TULP4: variants seen among roughly 807,000 people sequenced by gnomAD.
The protein encoded by TULP4 is TUB like protein 4.
A neutral mutation model predicts 129.0 loss-of-function variants in TULP4; 16 were observed. That is an observed-to-expected ratio of 0.12 (90% CI 0.08 to 0.19). TULP4 has a LOEUF of 0.19. Among genes scored for constraint, TULP4 ranks in the 10% least tolerant of loss-of-function variants. The pLI, the probability that TULP4 is intolerant of heterozygous loss-of-function variation, is 1.00. For missense variants in TULP4, 1,842 were observed against 2,059.1 expected (o/e 0.89, Z 2.04); for synonymous variants, 998 against 854.0 (o/e 1.17, Z -2.94).
In TULP4 at chr6:158,395,792, C is replaced by T. The variant is rs569376990; in HGVS notation, c.253-17273C>T. 4.0e-5 allele frequency among the ~76,000 whole-genome samples: 6 copies of T among 151,510 alleles called. 1 individual carries two copies. In the South Asian group the frequency reaches 1.3e-3, roughly 32 times the overall value. On this transcript the variant is annotated intron_variant, in intron 1 of 13. Coordinates refer to ENST00000367097, the MANE Select transcript of TULP4 (RefSeq NM_020245.5). ...ACCACAGACCTAAATTTATGCAGTT[C>T]TAGTTGAGCCTGTTTTTCTTTGATT...
In TULP4 at chr6:158,455,055, A is replaced by AT. The variant is rs781328845; in HGVS notation, c.859+2817dup. On this transcript the variant is annotated intron_variant, in intron 5 of 13. Coordinates refer to ENST00000367097, the MANE Select transcript of TULP4 (RefSeq NM_020245.5). ...TTCTAAAAATACAGGCAAATTTAAC[A>AT]TTTTTTTTTTTTTTTTTTTTTTTTT... 2.9e-3 allele frequency among the ~76,000 whole-genome samples: 97 copies of AT among 33,196 alleles called. 18 individuals are homozygous for AT. The highest frequency in any genetic ancestry group is 3.6e-3 in the Non-Finnish European group (74 of 20,542). The allele number at this position is 33,196 out of a possible 152,430, so 21.8% of individuals were successfully genotyped here. A position where few individuals can be genotyped will look rare whatever the true frequency, so the allele number is the denominator to read the frequency against.
intron 1 of TULP4, among the ~76,000 whole-genome samples, chr6:158,335,987 C>CAT: frequency 6.6e-6 from 1 of 152,180 alleles, no homozygotes. Flanking sequence ...AATGTGAAGA[C>CAT]ATATATAGTT....
intron 6 of TULP4, among the ~76,000 whole-genome samples, chr6:158,470,356 G>T (rs931397418): frequency 6.6e-6 from 1 of 152,258 alleles, no homozygotes; most frequent in South Asian, 2.1e-4. Flanking sequence ...AGTGAAAACA[G>T]AGCTCCCATA....
At chr6:158,422,550 C>CA (rs1486115527) in intron 2 of TULP4, among the ~76,000 whole-genome samples, 3 of 152,116 alleles carry the variant, frequency 2.0e-5, no homozygotes, top group Admixed American at 6.6e-5. Context: ...AACACGGACA[C>CA]ATGTGGAGCG....
rs1780449486 is a variant in TULP4, at chr6:158,501,723, T to G, written c.2060T>G (p.Val687Gly). ...GVPENSPPCT[V>G]NIPIAPIHSS... ...CCTGAGAACAGCCCACCTTGTACCG[T>G]GAACATCCCTATTGCACCGATCCAC... The change falls in exon 13 of 14, where the codon GTG (valine) becomes GGG (glycine). Residue 687 changes from valine to glycine, a missense_variant. By Grantham distance (109) the Val-to-Gly change is moderately radical (BLOSUM62 -3). Around this residue, in one of 5 missense-constraint regions of TULP4, gnomAD observed 99 missense variants for 165.1 expected, o/e 0.60. Coordinates refer to ENST00000367097, the MANE Select transcript of TULP4 (RefSeq NM_020245.5). 1.2e-6 allele frequency: 2 copies of G among 1,614,034 alleles called. No individual in the cohort carries two copies. The highest frequency in any genetic ancestry group is 1.7e-6 in the Non-Finnish European group (2 of 1,179,914).
chr6:158,339,435 C>T (rs1037516968), intron 1 of TULP4, among the ~76,000 whole-genome samples: 6 of 152,168 alleles, frequency 3.9e-5, no homozygotes, highest in Non-Finnish European at 8.8e-5. Context: ...GAGAACCGGT[C>T]TGACTAGAAT....
intron 1 of TULP4, among the ~76,000 whole-genome samples, chr6:158,345,983 A>G (rs913904926): frequency 2.0e-5 from 3 of 152,196 alleles, no homozygotes; most frequent in Non-Finnish European, 4.4e-5. Context: ...CTTGCTAGGA[A>G]AAGAATTTAG....
intron 1 of TULP4, among the ~76,000 whole-genome samples, chr6:158,346,978 A>G (rs1329379080): frequency 6.6e-6 from 1 of 152,154 alleles, no homozygotes; most frequent in Non-Finnish European, 1.5e-5. Flanking sequence ...CAATCCCAGA[A>G]TGTGGAAATG....
At chr6:158,316,808 C>T (rs1014052889) in intron 1 of TULP4, among the ~76,000 whole-genome samples, 1 of 152,190 alleles carries the variant, frequency 6.6e-6, no homozygotes, top group Non-Finnish European at 1.5e-5. Flanking sequence ...TTCTTCCAAG[C>T]TCATTCAGGT....
chr6:158,240,740 C>CA (rs1777875767), intron 1 of TULP4, among the ~76,000 whole-genome samples: 1 of 127,610 alleles, frequency 7.8e-6, no homozygotes, highest in Non-Finnish European at 1.7e-5. Context: ...GCTGGCCGGG[C>CA]GGGGGGCTGA....
At chr6:158,495,667 C>A (rs1416948991) in intron 11 of TULP4, among the ~76,000 whole-genome samples, 1 of 152,048 alleles carries the variant, frequency 6.6e-6, no homozygotes, top group Non-Finnish European at 1.5e-5. Flanking sequence ...ACATGGAGAA[C>A]CTTTCTCTTC....
chr6:158,390,220 A>G lies in TULP4; in HGVS notation c.253-22845A>G, dbSNP rs116440528. On this transcript the variant is annotated intron_variant, in intron 1 of 13. Transcript: ENST00000367097. Reference sequence around the variant, plus strand: ...TGGTATTCTCTATGAACTATTTTGCACATATAAAAATGGGCAGAAAACACA... The same window carrying G: ...TGGTATTCTCTATGAACTATTTTGCGCATATAAAAATGGGCAGAAAACACA... Among the ~76,000 whole-genome samples, 1,174 of 152,346 alleles carry G rather than the reference A, an allele frequency of 7.7e-3. 19 individuals are homozygous for G. Among genetic ancestry groups the G allele is most frequent in the African/African-American group, 0.027 (1,106 of 41,572 alleles).
Position 158,501,937 on chromosome 6 carries a change from C to T in TULP4, c.2274C>T (p.Phe758=), listed in dbSNP as rs772922842. Residue 758 remains phenylalanine, a synonymous_variant, in exon 13 of 14, where the codon TTC becomes TTT. Transcript: ENST00000367097. ...NRYSNPGQVI[F]GSVEMGRIIQ... is the part of the protein sequence containing the mutation. ...ACTCCAATCCTGGACAGGTGATTTTCGGAAGCGTGGAAATGGGCCGCATCA... is the reference window on the plus strand; with the variant it reads ...ACTCCAATCCTGGACAGGTGATTTTTGGAAGCGTGGAAATGGGCCGCATCA... 76 of 1,613,910 alleles carry T rather than the reference C, an allele frequency of 4.7e-5. No homozygotes were observed. Among genetic ancestry groups the T allele is most frequent in the Middle Eastern group, 1.6e-4 (1 of 6,084 alleles).
At chr6:158,245,478 ATG>A (rs1778011383) in intron 1 of TULP4, among the ~76,000 whole-genome samples, 1 of 152,032 alleles carries the variant, frequency 6.6e-6, no homozygotes, top group Non-Finnish European at 1.5e-5. Context: ...GAAGGGAGGT[ATG>A]TCCTCTCAGA....
At chr6:158,415,558 C>T (rs569511481) in intron 2 of TULP4, among the ~76,000 whole-genome samples, 101 of 149,026 alleles carry the variant, frequency 6.8e-4, no homozygotes, top group Admixed American at 8.7e-4. Flanking sequence ...GATGGGGTTT[C>T]ACCACGTTAG....
intron 1 of TULP4, among the ~76,000 whole-genome samples, chr6:158,399,022 C>A (rs980096020): frequency 6.6e-6 from 1 of 152,306 alleles, no homozygotes; most frequent in Admixed American, 6.5e-5. Flanking sequence ...CTGCCAGTAA[C>A]TTCCTTTTAC....
chr6:158,267,177 T>A (rs1319895860), intron 1 of TULP4, among the ~76,000 whole-genome samples: 2 of 152,276 alleles, frequency 1.3e-5, no homozygotes, highest in Non-Finnish European at 2.9e-5. Flanking sequence ...TTTCATTGTA[T>A]GTCAATACAC....
chr6:158,357,104 G>A (rs770190061), intron 1 of TULP4, among the ~76,000 whole-genome samples: 6 of 152,202 alleles, frequency 3.9e-5, no homozygotes, highest in South Asian at 2.1e-4. Context: ...GTGCCCGAGC[G>A]TCCTCCAGAT....
chr6:158,467,517 G>A (rs1001987164), intron 6 of TULP4, among the ~76,000 whole-genome samples: 7 of 151,926 alleles, frequency 4.6e-5, no homozygotes, highest in Non-Finnish European at 4.4e-5. Flanking sequence ...TCCTGACCTC[G>A]TGATCCACCC....
Sources: gnomAD v4.1 joint callset for allele counts (sites outside exome capture counted in the v4.1 genomes callset) on GRCh38, gnomAD v4.1.1 for gene constraint, gnomAD v4.1.1 regional missense constraint, MANE v1.5 for transcripts, NCBI Gene and HGNC (gene_info 2026-07-23, HGNC 2026-07-21) for gene names.